Variants in SLC14A2 observed in about 807,000 individuals in gnomAD.
SLC14A2 encodes the protein solute carrier family 14 member 2.
In SLC14A2, 91 loss-of-function variants were observed where a neutral mutation model predicts 104.6. That is an observed-to-expected ratio of 0.87 (90% CI 0.73 to 1.04). The LOEUF (loss-of-function observed/expected upper bound fraction) is 1.04, where lower values mean the gene tolerates loss of function less well. SLC14A2 is among the 50% of genes least tolerant of loss of function. The pLI, the probability that SLC14A2 is intolerant of heterozygous loss-of-function variation, is 0.00. For missense variants in SLC14A2, 1,189 were observed against 1,156.0 expected (o/e 1.03, Z -0.41); for synonymous variants, 476 against 466.4 (o/e 1.02, Z -0.27).
chr18:45,230,876 CA>C (rs2084167894), intron 1 of SLC14A2, among the ~76,000 whole-genome samples: 1 of 152,162 alleles, frequency 6.6e-6, no homozygotes, highest in Non-Finnish European at 1.5e-5. Flanking sequence ...ATTATTTGTA[CA>C]AATTATTGGA....
intron 1 of SLC14A2, among the ~76,000 whole-genome samples, chr18:45,355,461 C>T (rs2085543554): frequency 6.6e-6 from 1 of 150,872 alleles, no homozygotes; most frequent in South Asian, 2.1e-4. Flanking sequence ...GCCTGTAATC[C>T]CAGCTACTCA....
chr18:45,434,078 G>A (rs757273088), intron 1 of SLC14A2, among the ~76,000 whole-genome samples: 7 of 152,032 alleles, frequency 4.6e-5, no homozygotes, highest in Admixed American at 2.0e-4. Context: ...CCATTCCCTC[G>A]ACTCCTTATT....
intron 2 of SLC14A2, among the ~76,000 whole-genome samples, chr18:45,539,773 G>A (rs1030464399): frequency 6.6e-6 from 1 of 151,840 alleles, no homozygotes; most frequent in Non-Finnish European, 1.5e-5. Context: ...CTGTGTTGAC[G>A]ATTTATAGTC....
intron 2 of SLC14A2, among the ~76,000 whole-genome samples, chr18:45,570,577 C>A (rs2044330091): frequency 6.6e-6 from 1 of 152,218 alleles, no homozygotes; most frequent in Non-Finnish European, 1.5e-5. Flanking sequence ...TTACAATTTA[C>A]ATAGGATGTT....
chr18:45,228,717 A>G (rs2084144360), intron 1 of SLC14A2, among the ~76,000 whole-genome samples: 1 of 152,144 alleles, frequency 6.6e-6, no homozygotes, highest in African/African-American at 2.4e-5. Context: ...CTGGCATCAG[A>G]TAGTCTTTCA....
At chr18:45,560,485 A>G (rs543996377) in intron 2 of SLC14A2, among the ~76,000 whole-genome samples, 14 of 152,124 alleles carry the variant, frequency 9.2e-5, no homozygotes, top group African/African-American at 3.4e-4. Flanking sequence ...CTCTCAACAG[A>G]GCCTTCTACT....
the SLC14A2 span, among the ~76,000 whole-genome samples, chr18:45,176,636 G>A: frequency 1.3e-5 from 2 of 152,148 alleles, no homozygotes; most frequent in Non-Finnish European, 2.9e-5. Context: ...TGACGTTGTT[G>A]ACCATTACTC....
intron 1 of SLC14A2, among the ~76,000 whole-genome samples, chr18:45,482,105 A>C (rs78666200): frequency 0.075 from 11,431 of 152,252 alleles, 558 homozygotes; most frequent in East Asian, 0.21. Context: ...ACATACCAAA[A>C]GCTTTAAAAA....
intron 1 of SLC14A2, among the ~76,000 whole-genome samples, chr18:45,280,893 C>A (rs1005924954): frequency 6.6e-6 from 1 of 152,166 alleles, no homozygotes; most frequent in African/African-American, 2.4e-5. Context: ...CCCAGCATCG[C>A]TGTGCCTTTA....
intron 2 of SLC14A2, among the ~76,000 whole-genome samples, chr18:45,595,114 C>T (rs1168858057): frequency 6.6e-6 from 1 of 152,188 alleles, no homozygotes; most frequent in African/African-American, 2.4e-5. Context: ...GCATTTTCAC[C>T]TCCTTGCACA....
At chr18:45,335,138 C>A (rs1475620336) in intron 1 of SLC14A2, among the ~76,000 whole-genome samples, 2 of 152,060 alleles carry the variant, frequency 1.3e-5, no homozygotes, top group Non-Finnish European at 2.9e-5. Flanking sequence ...TTATCTTATG[C>A]CCCTTTGTCA....
At chr18:45,548,496 G>A (rs1198959465) in intron 2 of SLC14A2, among the ~76,000 whole-genome samples, 3 of 152,162 alleles carry the variant, frequency 2.0e-5, no homozygotes, top group African/African-American at 2.4e-5. Flanking sequence ...TTGAGTGCAC[G>A]AGTTTGAGAC....
intron 2 of SLC14A2, among the ~76,000 whole-genome samples, chr18:45,523,316 GTT>G (rs1220877852): frequency 6.8e-6 from 1 of 147,966 alleles, no homozygotes; most frequent in African/African-American, 2.5e-5. Context: ...CCATCACCAG[GTT>G]TTTTTTTTGT....
chr18:45,379,842 C>A (rs927208784), intron 1 of SLC14A2, among the ~76,000 whole-genome samples: 1 of 152,208 alleles, frequency 6.6e-6, no homozygotes, highest in Non-Finnish European at 1.5e-5. Flanking sequence ...TACTTCATTT[C>A]ATACATGGAC....
chr18:45,312,706 G>A (rs997893675), intron 1 of SLC14A2, among the ~76,000 whole-genome samples: 2 of 152,226 alleles, frequency 1.3e-5, no homozygotes, highest in African/African-American at 4.8e-5. Flanking sequence ...TCTGGTTAGT[G>A]CAGAATTTAA....
chr18:45,355,499 A>G (rs956233611), intron 1 of SLC14A2, among the ~76,000 whole-genome samples: 22 of 146,166 alleles, frequency 1.5e-4, no homozygotes, highest in African/African-American at 5.4e-4. Context: ...AATCACTTGA[A>G]CCGAGGAAGC....
At chr18:45,584,212 A>G (rs929982484) in intron 2 of SLC14A2, among the ~76,000 whole-genome samples, 1 of 152,192 alleles carries the variant, frequency 6.6e-6, no homozygotes, top group African/African-American at 2.4e-5. Flanking sequence ...GATTTTGGAT[A>G]CAGGGTGATT....
chr18:45,248,555 C>T (rs1439677115), intron 1 of SLC14A2, among the ~76,000 whole-genome samples: 3 of 152,046 alleles, frequency 2.0e-5, no homozygotes, highest in African/African-American at 7.2e-5. Flanking sequence ...CAAACAAAGT[C>T]TCAATTTCCC....
chr18:45,658,149 G>A (rs1414835729), intron 10 of SLC14A2, among the ~76,000 whole-genome samples: 1 of 152,194 alleles, frequency 6.6e-6, no homozygotes, highest in Non-Finnish European at 1.5e-5. Flanking sequence ...ACAGATCAGA[G>A]GAGTAAGAGG....
Sources: allele counts gnomAD v4.1 joint callset (sites outside exome capture counted in the v4.1 genomes callset), GRCh38; gene constraint gnomAD v4.1.1; transcripts MANE v1.5; gene names NCBI Gene and HGNC (gene_info 2026-07-23, HGNC 2026-07-21).